The following CNTNAP2 variants were observed in gnomAD, a reference collection of about 807,000 sequenced individuals.
The protein encoded by CNTNAP2 is contactin-associated protein-like 2.
In CNTNAP2, 98 loss-of-function variants were observed where a neutral mutation model predicts 155.2. The observed-to-expected ratio is 0.63, with a 90% confidence interval of 0.54 to 0.75. CNTNAP2 has a LOEUF of 0.75. CNTNAP2 is among the 30% of genes least tolerant of loss of function. The pLI is 0.00. For missense variants in CNTNAP2, 1,727 were observed against 1,688.1 expected (o/e 1.02, Z -0.40); for synonymous variants, 651 against 631.2 (o/e 1.03, Z -0.47).
intron 21 of CNTNAP2, among the ~76,000 whole-genome samples, chr7:148,313,416 G>T (rs535267989): frequency 6.6e-6 from 1 of 152,060 alleles, no homozygotes; most frequent in South Asian, 2.1e-4. Flanking sequence ...TGAACAGTCC[G>T]ATTTTCAGTG....
At chr7:146,741,969 G>A (rs1801725031) in intron 1 of CNTNAP2, among the ~76,000 whole-genome samples, 1 of 151,908 alleles carries the variant, frequency 6.6e-6, no homozygotes, top group South Asian at 2.1e-4. Flanking sequence ...TTTGTTAGAT[G>A]TGATGTGCTG....
At chr7:147,091,972 C>G (rs540956713) in intron 4 of CNTNAP2, among the ~76,000 whole-genome samples, 1 of 151,914 alleles carries the variant, frequency 6.6e-6, no homozygotes, top group East Asian at 2.0e-4. Flanking sequence ...ATCTCCTGAC[C>G]TCGTGATCTG....
Position 147,994,434 on chromosome 7 carries a change from G to T in CNTNAP2, c.2383+16445G>T, listed in dbSNP as rs542782358. Among the ~76,000 whole-genome samples the T allele has an allele frequency of 1.1e-3, 170 of 151,652 alleles. 1 individual carries two copies. Among genetic ancestry groups the T allele is most frequent in the Non-Finnish European group, 2.0e-3 (133 of 67,952 alleles). On this transcript the variant is annotated intron_variant, in intron 15 of 23. Coordinates refer to ENST00000361727, the MANE Select transcript of CNTNAP2 (RefSeq NM_014141.6). Reference sequence around the variant, plus strand: ...ACCTACTTTAACCCAAGGTAATATGGTTTGGCTCTGTGTTTCCACCCATAT... The same window carrying T: ...ACCTACTTTAACCCAAGGTAATATGTTTTGGCTCTGTGTTTCCACCCATAT...
At chr7:148,355,507 C>T (rs1798498711) in intron 21 of CNTNAP2, among the ~76,000 whole-genome samples, 1 of 152,056 alleles carries the variant, frequency 6.6e-6, no homozygotes, top group Non-Finnish European at 1.5e-5. Context: ...ATAATCCCAC[C>T]CAGTACATCA....
intron 16 of CNTNAP2, among the ~76,000 whole-genome samples, chr7:148,131,221 C>G (rs1436508649): frequency 1.3e-5 from 2 of 151,446 alleles, no homozygotes; most frequent in African/African-American, 4.9e-5. Context: ...GCCTTGGCCT[C>G]CCGAGTAGCT....
At chr7:147,207,699 C>G (rs934999996) in intron 8 of CNTNAP2, among the ~76,000 whole-genome samples, 1 of 152,038 alleles carries the variant, frequency 6.6e-6, no homozygotes, top group Non-Finnish European at 1.5e-5. Flanking sequence ...AGCCCATAAT[C>G]TAAAATATTA....
intron 15 of CNTNAP2, among the ~76,000 whole-genome samples, chr7:148,117,216 T>C (rs1024276541): frequency 1.3e-5 from 2 of 152,156 alleles, no homozygotes; most frequent in Non-Finnish European, 2.9e-5. Context: ...TCACATCTTC[T>C]CCAAGAGCTC....
At chr7:146,761,833 T>TCTAC (rs1802107082) in intron 1 of CNTNAP2, among the ~76,000 whole-genome samples, 1 of 125,184 alleles carries the variant, frequency 8.0e-6, no homozygotes, top group African/African-American at 3.5e-5. Context: ...AACTTCTTTA[T>TCTAC]TCAATGGTAG....
At chr7:148,364,696 G>A (rs1053602702) in intron 21 of CNTNAP2, among the ~76,000 whole-genome samples, 2 of 152,136 alleles carry the variant, frequency 1.3e-5, no homozygotes, top group Admixed American at 6.5e-5. Context: ...GATTGTAAAC[G>A]CACCAATCAG....
At chr7:146,357,146 G>A (rs989881) in intron 1 of CNTNAP2, among the ~76,000 whole-genome samples, 5,946 of 147,796 alleles carry the variant, frequency 0.04, 413 homozygotes, top group African/African-American at 0.14. Context: ...GGACAAAATA[G>A]CAAACATAAG....
intron 1 of CNTNAP2, among the ~76,000 whole-genome samples, chr7:146,560,416 C>A (rs570844968): frequency 6.0e-5 from 9 of 151,050 alleles, no homozygotes; most frequent in East Asian, 1.9e-4. Flanking sequence ...TGTGTATACA[C>A]GTGTGTGTAT....
At chr7:146,761,938 A>G (rs918083720) in intron 1 of CNTNAP2, among the ~76,000 whole-genome samples, 2 of 152,212 alleles carry the variant, frequency 1.3e-5, no homozygotes, top group Admixed American at 1.3e-4. Context: ...AAAGGATAGT[A>G]TGCGACTCAA....
chr7:147,145,316 C>T (rs1016842807), intron 8 of CNTNAP2, among the ~76,000 whole-genome samples: 11 of 152,122 alleles, frequency 7.2e-5, no homozygotes, highest in African/African-American at 2.7e-4. Flanking sequence ...TACCTGGAGA[C>T]ATTGTTGGTT....
At chr7:146,135,034 C>G (rs569038156) in intron 1 of CNTNAP2, among the ~76,000 whole-genome samples, 1 of 152,032 alleles carries the variant, frequency 6.6e-6, no homozygotes, top group Non-Finnish European at 1.5e-5. Context: ...GTGAATCCAT[C>G]TGGTCCTGGA....
intron 8 of CNTNAP2, among the ~76,000 whole-genome samples, chr7:147,230,461 T>A (rs983535274): frequency 6.6e-6 from 1 of 152,264 alleles, no homozygotes; most frequent in South Asian, 2.1e-4. Context: ...TTTTGCCATG[T>A]TGGCCAGGAT....
chr7:147,641,060 G>A (rs888865470), intron 13 of CNTNAP2, among the ~76,000 whole-genome samples: 2 of 152,182 alleles, frequency 1.3e-5, no homozygotes, highest in Admixed American at 6.5e-5. Flanking sequence ...GGCAGGAATC[G>A]CCATGTTTGG....
intron 1 of CNTNAP2, among the ~76,000 whole-genome samples, chr7:146,284,147 G>A (rs922368904): frequency 3.3e-5 from 5 of 152,046 alleles, no homozygotes; most frequent in East Asian, 1.9e-4. Context: ...GCTAGTGTTC[G>A]TTTTAGAATG....
intron 3 of CNTNAP2, among the ~76,000 whole-genome samples, chr7:147,020,554 C>T (rs1798801256): frequency 6.6e-6 from 1 of 152,038 alleles, no homozygotes; most frequent in South Asian, 2.1e-4. Flanking sequence ...GAGGAAAATA[C>T]CAGACTGCCA....
intron 21 of CNTNAP2, among the ~76,000 whole-genome samples, chr7:148,312,662 T>A (rs1298857771): frequency 1.3e-5 from 2 of 152,182 alleles, no homozygotes; most frequent in Non-Finnish European, 2.9e-5. Context: ...AACTAACCTG[T>A]AAGCCTTGTC....
Sources: allele counts gnomAD v4.1 joint callset (sites outside exome capture counted in the v4.1 genomes callset), GRCh38; gene constraint gnomAD v4.1.1; transcripts MANE v1.5; gene names NCBI Gene and HGNC (gene_info 2026-07-23, HGNC 2026-07-21).